Variants in NT5DC3 observed in about 807,000 individuals in gnomAD.
NT5DC3 encodes 5'-nucleotidase domain containing 3.
A neutral mutation model predicts 67.8 loss-of-function variants in NT5DC3; 42 were observed. The observed-to-expected ratio is 0.62, with a 90% CI of 0.48 to 0.80. The LOEUF is 0.80. NT5DC3 is among the 30% of genes least tolerant of loss of function. The probability of loss-of-function intolerance (pLI) is 0.00; values close to 1 mark genes in which losing one functional copy is unlikely to be tolerated. For missense variants in NT5DC3, 570 were observed against 696.4 expected (o/e 0.82, Z 2.04); for synonymous variants, 237 against 255.6 (o/e 0.93, Z 0.69).
At chr12:103,766,220 C>CAGAA (rs1232989353), downstream of NT5DC3, 11 of 1,603,016 alleles carry the variant, frequency 6.9e-6, no homozygotes, top group African/African-American at 9.4e-5. Context: ...CAGTGGCCAC[C>CAGAA]AGAAAGATTC....
chr12:103,833,586 GAAT>G (rs1888021338), intron 1 of NT5DC3, among the ~76,000 whole-genome samples: 1 of 151,922 alleles, frequency 6.6e-6, no homozygotes. Flanking sequence ...CCAGAACTTT[GAAT>G]AAATCTTTCA....
At chr12:103,778,631 C>A (rs942666858) in intron 13 of NT5DC3, among the ~76,000 whole-genome samples, 1 of 152,112 alleles carries the variant, frequency 6.6e-6, no homozygotes, top group Admixed American at 6.5e-5. Flanking sequence ...ATAGTGAGAC[C>A]TTGTCTCTAC....
intron 12 of NT5DC3, among the ~76,000 whole-genome samples, chr12:103,781,260 G>A (rs960309058): frequency 1.3e-5 from 2 of 152,162 alleles, no homozygotes; most frequent in Non-Finnish European, 1.5e-5. Flanking sequence ...AACACCAAGC[G>A]GGCAAACCAT....
intron 7 of NT5DC3, 114 bp downstream of exon 7, chr12:103,793,823 C>G (rs1484219297): frequency 3.7e-6 from 3 of 820,092 alleles, no homozygotes; most frequent in Admixed American, 2.0e-5. Context: ...CAGGTCCTTA[C>G]AGAGCACTCA....
chr12:103,817,180 C>T (rs75536713), intron 1 of NT5DC3, among the ~76,000 whole-genome samples: 15,452 of 152,010 alleles, frequency 0.1, 1,125 homozygotes, highest in East Asian at 0.3. Context: ...ACATCTCAGA[C>T]GACGAGGCCT....
At position 103,793,998 on chromosome 12, in the gene NT5DC3, C is replaced by G; in HGVS notation, c.754-1G>C. 6.2e-7 allele frequency: 1 copy of G among 1,613,096 alleles called. No homozygotes were observed. The highest frequency in any genetic ancestry group is 8.5e-7 in the Non-Finnish European group (1 of 1,179,048). On this transcript the variant is annotated splice_acceptor_variant, in intron 6 of 13. Coordinates refer to ENST00000392876, the MANE Select transcript of NT5DC3 (RefSeq NM_001031701.3). LOFTEE classifies it high-confidence loss of function. ...TGATGTGGACGTCTCGAATTGAATC[C>G]TGCCAAAAGATACATTTTTAATCAG... is the stretch of plus-strand genomic sequence containing the variant.
rs2139291689 is a variant in NT5DC3, at chr12:103,775,371, T to TA, written c.*2457dup. 6.6e-6 allele frequency: 1 copy of TA among 152,376 alleles called. No individual in the cohort carries two copies. The highest frequency in any genetic ancestry group is 2.1e-4 in the South Asian group (1 of 4,830). The allele number at this position is 152,376 out of a possible 1,614,324, so 9.4% of individuals were successfully genotyped here. A position where few individuals can be genotyped will look rare whatever the true frequency, so the allele number is the denominator to read the frequency against. On this transcript the variant is annotated 3_prime_UTR_variant, in exon 14 of 14. Transcript: ENST00000392876. ...CGTGAACACTCATGGAAACAGGTTT[T>TA]AAAAATAGTTCTACTTCATTCTTGA...
intron 1 of NT5DC3, among the ~76,000 whole-genome samples, chr12:103,828,012 C>T (rs556189413): frequency 6.6e-6 from 1 of 152,304 alleles, no homozygotes; most frequent in South Asian, 2.1e-4. Context: ...TGCTTCCCTC[C>T]ACCATGAACC....
At chr12:103,840,085 A>C (rs1888314215) in intron 1 of NT5DC3, among the ~76,000 whole-genome samples, 1 of 152,174 alleles carries the variant, frequency 6.6e-6, no homozygotes, top group South Asian at 2.1e-4. Flanking sequence ...GACAGTCCCT[A>C]AATTCAGGCG....
chr12:103,758,290 G>A, the NT5DC3 span: 1 of 1,613,218 alleles, frequency 6.2e-7, no homozygotes, highest in South Asian at 1.1e-5. Context: ...GGAGAATGAG[G>A]TGAGTTGAGT....
chr12:103,759,242 T>C, the NT5DC3 span: 8 of 1,614,050 alleles, frequency 5.0e-6, no homozygotes, highest in South Asian at 7.7e-5. Context: ...AGCAAGCTGC[T>C]CATCACTGCC....
chr12:103,827,112 G>A (rs904165477), intron 1 of NT5DC3, among the ~76,000 whole-genome samples: 13 of 152,274 alleles, frequency 8.5e-5, no homozygotes, highest in Middle Eastern at 3.4e-3. Context: ...GGGTGTGGTA[G>A]AACACACATG....
chr12:103,796,949 TATTC>T lies in NT5DC3; in HGVS notation c.694_697del (p.Glu232ThrfsTer30), dbSNP rs1474786695. On this transcript the variant is annotated frameshift_variant, in exon 6 of 14. Transcript: ENST00000392876. LOFTEE classifies it high-confidence loss of function. ...ATAGTCGATGTTGTTCTTGAGGAAG[TATTC>T]ATTCACGCAGGACAGGAGGGTCATC... The T allele has an allele frequency of 6.2e-7, 1 of 1,614,130 alleles. No individual in the cohort carries two copies. Among genetic ancestry groups the T allele is most frequent in the South Asian group, 1.1e-5 (1 of 91,068 alleles).
intron 1 of NT5DC3, among the ~76,000 whole-genome samples, chr12:103,823,224 C>CA (rs60156543): frequency 0.2 from 27,058 of 133,948 alleles, 2,638 homozygotes; most frequent in Non-Finnish European, 0.24. Context: ...TTAGAAGTTA[C>CA]AAAAAAAAAA....
chr12:103,750,504 G>T, the NT5DC3 span: 16 of 1,576,886 alleles, frequency 1.0e-5, no homozygotes, highest in South Asian at 1.2e-4. Flanking sequence ...GCTGGACATT[G>T]GTCCCATGGG....
At chr12:103,838,314 T>A (rs1161884214) in intron 1 of NT5DC3, among the ~76,000 whole-genome samples, 1 of 152,234 alleles carries the variant, frequency 6.6e-6, no homozygotes, top group African/African-American at 2.4e-5. Flanking sequence ...CCCCATCCCA[T>A]GCTTCAGCTG....
At chr12:103,795,740 T>C (rs1172587502) in intron 6 of NT5DC3, among the ~76,000 whole-genome samples, 3 of 152,056 alleles carry the variant, frequency 2.0e-5, no homozygotes, top group Admixed American at 2.0e-4. Flanking sequence ...ATAAACTTTT[T>C]TAGTACTAAA....
chr12:103,767,005 C>T (rs558888474), downstream of NT5DC3: 5 of 152,426 alleles, frequency 3.3e-5, no homozygotes, highest in Middle Eastern at 3.4e-3. Context: ...AGTACAGCCA[C>T]TGTAGAAAAC....
downstream of NT5DC3, among the ~76,000 whole-genome samples, chr12:103,769,246 T>G (rs925704393): frequency 2.6e-5 from 4 of 152,216 alleles, no homozygotes; most frequent in Non-Finnish European, 5.9e-5. Context: ...TCGCAATAAC[T>G]GTGTGCCCTT....
Sources: gnomAD v4.1 joint callset for allele counts (sites outside exome capture counted in the v4.1 genomes callset) on GRCh38, gnomAD v4.1.1 for gene constraint, MANE v1.5 for transcripts, NCBI Gene and HGNC (gene_info 2026-07-23, HGNC 2026-07-21) for gene names.